Variants in OMA1 observed in about 807,000 individuals in gnomAD.
OMA1 encodes the protein metalloendopeptidase OMA1, mitochondrial.
Under a neutral mutation model 30.9 loss-of-function variants are expected in OMA1, and 38 were observed. The ratio of observed to expected loss-of-function variants is 1.23; its 90% CI spans 0.95 to 1.61. The LOEUF (loss-of-function observed/expected upper bound fraction) is 1.61. Ranked by LOEUF, OMA1 falls within the 40% of genes most tolerant of loss-of-function variation. The pLI is 0.00. For missense variants in OMA1, 461 were observed against 349.2 expected, an observed-to-expected ratio of 1.32 and a Z score of -2.55; for synonymous variants, 173 against 121.9, an observed-to-expected ratio of 1.42 and a Z score of -2.76.
chr1:58,537,416 A>G (rs1646534921), intron 2 of OMA1, among the ~76,000 whole-genome samples: 1 of 152,206 alleles, frequency 6.6e-6, no homozygotes, highest in Non-Finnish European at 1.5e-5. Flanking sequence ...GCTCAGTAGC[A>G]GAAACTCCAC....
chr1:58,489,627 AACAG>A lies in OMA1; in HGVS notation c.1366-8457_1366-8454del, dbSNP rs1176963429. Reference sequence around the variant, plus strand: ...CCCAGCATGCAGCTTGAGATCTGAGAACAGACAGACTGCCTCCTCAAGTGGGTCC... The same window carrying A: ...CCCAGCATGCAGCTTGAGATCTGAGAACAGACTGCCTCCTCAAGTGGGTCC... On this transcript the variant is annotated intron_variant, in intron 8 of 8. Transcript: ENST00000371226. Among the ~76,000 whole-genome samples the A allele has an allele frequency of 3.3e-5, 5 of 152,274 alleles. No homozygotes were observed. The South Asian group carries it at 1.0e-3, about 32-fold the overall frequency.
chr1:58,541,614 C>CAAAAAAAAAAAAAAAAAAAAAAAAAAAA (rs60360589), intron 1 of OMA1: 2 of 65,634 alleles, frequency 3.0e-5, no homozygotes, highest in African/African-American at 1.2e-4. Context: ...GAGAACCTGT[C>CAAAAAAAAAAAAAAAAAAAAAAAAAAAA]AAAAAAAAAA....
At chr1:58,535,361 A>G (rs1646499695) in intron 3 of OMA1, among the ~76,000 whole-genome samples, 1 of 152,064 alleles carries the variant, frequency 6.6e-6, no homozygotes, top group African/African-American at 2.4e-5. Context: ...CCAGCACTTT[A>G]GGAGGTGGGC....
chr1:58,530,740 T>C lies in OMA1; in HGVS notation c.1012-11A>G. ...GCCAGCCTTTTCTGCCTAAGAATAA[T>C]CAAAATAATAAAAACTACATTTTAT... is the stretch of plus-strand genomic sequence containing the variant. On this transcript the variant is annotated splice_polypyrimidine_tract_variant and intron_variant, in intron 5 of 8. Transcript: ENST00000371226. 3 of 870,456 alleles carry C rather than the reference T, an allele frequency of 3.4e-6. No individual in the cohort carries two copies. The highest frequency in any genetic ancestry group is 6.0e-6 in the Non-Finnish European group (3 of 500,474). The allele number at this position is 870,456 out of a possible 1,614,324, so 53.9% of individuals were successfully genotyped here.
At chr1:58,496,171 T>A (rs1021933057) in intron 8 of OMA1, among the ~76,000 whole-genome samples, 1 of 145,854 alleles carries the variant, frequency 6.9e-6, no homozygotes, top group African/African-American at 2.6e-5. Context: ...TTTTTAGACT[T>A]TTTTTTTTTG....
At chr1:58,487,806 C>CT (rs1255002821) in intron 8 of OMA1, among the ~76,000 whole-genome samples, 1 of 152,118 alleles carries the variant, frequency 6.6e-6, no homozygotes, top group African/African-American at 2.4e-5. Context: ...CACACATATA[C>CT]TTTAATTACT....
At chr1:58,535,595 C>CA (rs11315198) in intron 3 of OMA1, among the ~76,000 whole-genome samples, 12,444 of 95,446 alleles carry the variant, frequency 0.13, 763 homozygotes, top group African/African-American at 0.19. Context: ...GTCTCTGTCT[C>CA]AAAAAAAAAA....
chr1:58,514,513 C>G (rs1646129780), intron 7 of OMA1, among the ~76,000 whole-genome samples: 1 of 152,126 alleles, frequency 6.6e-6, no homozygotes, highest in African/African-American at 2.4e-5. Context: ...GCCATCACCC[C>G]CTTCCAAAGG....
intron 3 of OMA1, among the ~76,000 whole-genome samples, chr1:58,535,076 C>T (rs1326287370): frequency 1.3e-5 from 2 of 152,138 alleles, no homozygotes; most frequent in Non-Finnish European, 2.9e-5. Context: ...CCAAAATAGA[C>T]ATTTCATTAA....
rs1333099443 is a variant in OMA1, at chr1:58,536,660, C to T, written c.582G>A (p.Lys194=). ...VKENIRKNKW[K]LFLGLSSFGL... is the part of the protein sequence containing the mutation. ...CAAAACTACTCAAACCAAGGAATAG[C>T]TTCCATTTATTCTTCCTTATATTTT... The change falls in exon 3 of 9, where the codon AAG becomes AAA. Residue 194 remains lysine, a synonymous_variant. Transcript: ENST00000371226. 2 of 872,716 alleles carry T rather than the reference C, an allele frequency of 2.3e-6. No homozygotes were observed. The highest frequency in any genetic ancestry group is 4.0e-6 in the Non-Finnish European group (2 of 501,614). 54.1% of individuals were successfully genotyped at this position (872,716 alleles called of 1,614,324 possible).
chr1:58,499,505 GATAA>G (rs879322292), intron 8 of OMA1, among the ~76,000 whole-genome samples: 6,300 of 143,556 alleles, frequency 0.044, 195 homozygotes, highest in Middle Eastern at 0.086. Context: ...TAGATAGATA[GATAA>G]ATAGATAGAT....
intron 7 of OMA1, among the ~76,000 whole-genome samples, chr1:58,515,187 A>G (rs2100437005): frequency 6.6e-6 from 1 of 152,310 alleles, no homozygotes. Context: ...TTTTCCAGGA[A>G]ATAATTTAAA....
At chr1:58,534,107 A>G in intron 4 of OMA1, 47 bp from the exon 5 acceptor site, 1 of 867,496 alleles carries the variant, frequency 1.2e-6, no homozygotes, top group South Asian at 1.3e-5. Flanking sequence ...ATCATAAAAA[A>G]TAAGGACAAT....
chr1:58,505,340 C>T (rs1453293507), intron 8 of OMA1, among the ~76,000 whole-genome samples: 1 of 152,164 alleles, frequency 6.6e-6, no homozygotes, highest in East Asian at 1.9e-4. Context: ...TCATAACAAG[C>T]CACCAAATTT....
intron 7 of OMA1, among the ~76,000 whole-genome samples, chr1:58,518,179 T>C (rs1485042907): frequency 9.3e-6 from 1 of 107,978 alleles, no homozygotes; most frequent in African/African-American, 3.4e-5. Context: ...AAAGTGAAAT[T>C]CTGTCAGAAA....
chr1:58,482,781 T>C (rs1484322616), intron 8 of OMA1, among the ~76,000 whole-genome samples: 1 of 151,938 alleles, frequency 6.6e-6, no homozygotes, highest in Non-Finnish European at 1.5e-5. Context: ...ACAAGGGAGA[T>C]GGGAGCGTGC....
At chr1:58,495,878 T>C (rs542398384) in intron 8 of OMA1, among the ~76,000 whole-genome samples, 1 of 152,336 alleles carries the variant, frequency 6.6e-6, no homozygotes, top group Non-Finnish European at 1.5e-5. Context: ...TCCAGAGTCA[T>C]TCTTACTCTT....
chr1:58,491,476 G>C (rs1299692469), intron 8 of OMA1, among the ~76,000 whole-genome samples: 1 of 152,080 alleles, frequency 6.6e-6, no homozygotes, highest in Non-Finnish European at 1.5e-5. Context: ...TGGCAAATTG[G>C]ATAAAGAGTC....
intron 8 of OMA1, among the ~76,000 whole-genome samples, chr1:58,485,721 A>G (rs1337786325): frequency 6.6e-6 from 1 of 152,092 alleles, no homozygotes; most frequent in Non-Finnish European, 1.5e-5. Flanking sequence ...AAAGTGAGCA[A>G]AATTTTCCTA....
Sources: allele counts gnomAD v4.1 joint callset (sites outside exome capture counted in the v4.1 genomes callset), GRCh38; gene constraint gnomAD v4.1.1; transcripts MANE v1.5; gene names NCBI Gene and HGNC (gene_info 2026-07-23, HGNC 2026-07-21).